Variants in SIGLEC9 observed in about 807,000 individuals in gnomAD.
SIGLEC9 encodes sialic acid binding Ig like lectin 9, also known as sialic acid-binding Ig-like lectin 9.
In SIGLEC9, 26 loss-of-function variants were observed where a neutral mutation model predicts 38.3. The observed-to-expected ratio is 0.68, with a 90% CI of 0.50 to 0.94. The LOEUF (loss-of-function observed/expected upper bound fraction) is 0.94, where lower values mean the gene tolerates loss of function less well. Among genes scored for constraint, SIGLEC9 ranks in the 40% least tolerant of loss-of-function variants. The probability of loss-of-function intolerance (pLI) is 0.00; values close to 1 mark genes in which losing one functional copy is unlikely to be tolerated. For missense variants in SIGLEC9, 556 were observed against 585.7 expected (o/e 0.95, Z 0.52); for synonymous variants, 236 against 248.0 (o/e 0.95, Z 0.45).
upstream of SIGLEC9, among the ~76,000 whole-genome samples, chr19:51,122,410 G>A (rs959994621): frequency 2.0e-5 from 3 of 152,168 alleles, no homozygotes; most frequent in Middle Eastern, 3.4e-3. The surrounding 1 kb of genome is among the most constrained non-coding windows in gnomAD (Gnocchi z 4.1). Context: ...GTGAAATCCC[G>A]TCTCTACTAA....
rs2091970965 is a variant in SIGLEC9 at position 51,125,412 on chromosome 19, A to G, written c.421+17A>G. ...ATGTGACAGGTAAGGCACAGGCTCC[A>G]GGAAAGGCCACAGGGAAAGGTCATG... On this transcript the variant is annotated intron_variant, in intron 1 of 6. Coordinates refer to ENST00000250360, the MANE Select transcript of SIGLEC9 (RefSeq NM_014441.3). 3 of 1,567,178 alleles carry G rather than the reference A, an allele frequency of 1.9e-6. No individual in the cohort carries two copies. Among genetic ancestry groups the G allele is most frequent in the Admixed American group, 1.8e-5 (1 of 55,402 alleles).
chr19:51,128,583 CAGCTGGGCGT>C (rs1174378702), intron 6 of SIGLEC9, 73 bp downstream of exon 6: 3 of 1,374,472 alleles, frequency 2.2e-6, no homozygotes. Flanking sequence ...CAGGACTAAT[CAGCTGGGCGT>C]AGCCAAAGTT....
At chr19:51,121,458 C>T, upstream of SIGLEC9, among the ~76,000 whole-genome samples, 1 of 152,242 alleles carries the variant, frequency 6.6e-6, no homozygotes, top group Middle Eastern at 3.4e-3. Context: ...AAATGTCACC[C>T]TTTTCATCCA....
At chr19:51,129,631 C>G (rs943871058) in intron 6 of SIGLEC9, among the ~76,000 whole-genome samples, 3 of 152,012 alleles carry the variant, frequency 2.0e-5, no homozygotes, top group Admixed American at 2.0e-4. Context: ...CTTACTGCAA[C>G]CTCTGCCTCC....
upstream of SIGLEC9, among the ~76,000 whole-genome samples, chr19:51,121,601 T>C (rs2091950394): frequency 7.3e-6 from 1 of 137,872 alleles, no homozygotes. Flanking sequence ...TTTTTTTTTT[T>C]TGAAGATGAA....
upstream of SIGLEC9, among the ~76,000 whole-genome samples, chr19:51,123,550 G>A (rs753184385): frequency 3.3e-5 from 5 of 152,200 alleles, no homozygotes; most frequent in East Asian, 7.7e-4. Context: ...AGGTATTCAC[G>A]GCAACGTGCA....
At chr19:51,124,834 C>T, upstream of SIGLEC9, 1 of 1,065,056 alleles carries the variant, frequency 9.4e-7, no homozygotes, top group Non-Finnish European at 1.3e-6. Context: ...GTGTAAAGTT[C>T]CTCCTCTGAG....
upstream of SIGLEC9, chr19:51,122,980 A>G (rs1039405): frequency 0.66 from 100,157 of 152,538 alleles, 34,204 homozygotes; most frequent in African/African-American, 0.85. This position sits in a 1 kb window ranked among gnomAD's most constrained non-coding sequence, Gnocchi z 4.1. Context: ...GTTGCAGGAC[A>G]GCTGCTGAGG....
chr19:51,128,664 C>A, intron 6 of SIGLEC9, 154 bp downstream of exon 6: 1 of 667,166 alleles, frequency 1.5e-6, no homozygotes, highest in Non-Finnish European at 2.6e-6. Flanking sequence ...TGGTTGGTTT[C>A]CTCCCCTAAG....
upstream of SIGLEC9, among the ~76,000 whole-genome samples, chr19:51,121,483 C>T (rs2091950038): frequency 6.6e-6 from 1 of 152,138 alleles, no homozygotes; most frequent in Admixed American, 6.5e-5. Context: ...ACTCATGAGC[C>T]AGTGGGTGCT....
intron 6 of SIGLEC9, among the ~76,000 whole-genome samples, chr19:51,129,454 C>A (rs545529472): frequency 6.6e-6 from 1 of 151,948 alleles, no homozygotes; most frequent in South Asian, 2.1e-4. Context: ...CCACTGTGAC[C>A]GGCCACATTC....
At chr19:51,127,388 G>C in intron 4 of SIGLEC9, 92 bp downstream of exon 4, 2 of 1,364,250 alleles carry the variant, frequency 1.5e-6, no homozygotes, top group South Asian at 1.4e-5. Flanking sequence ...TCAGAGAGGA[G>C]CTCCGCTCTG....
At chr19:51,135,947 T>C in intron 6 of SIGLEC9, 1 of 702,158 alleles carries the variant, frequency 1.4e-6, no homozygotes, top group Non-Finnish European at 2.6e-6. Flanking sequence ...TTAAAATGAT[T>C]ATTTTATCTT....
chr19:51,131,174 T>C (rs911631659), downstream of SIGLEC9, among the ~76,000 whole-genome samples: 3 of 152,228 alleles, frequency 2.0e-5, no homozygotes, highest in African/African-American at 4.8e-5. Context: ...AATCACTTTA[T>C]GCAGTAGCCC....
At chr19:51,129,824 C>A in intron 6 of SIGLEC9, 67 bp from the exon 7 acceptor site, 2 of 1,185,064 alleles carry the variant, frequency 1.7e-6, no homozygotes, top group Non-Finnish European at 2.4e-6. Flanking sequence ...GCTGGGATTA[C>A]AGATGTGAGC....
chr19:51,133,733 T>TACAA (rs2092028907), downstream of SIGLEC9, among the ~76,000 whole-genome samples: 1 of 152,168 alleles, frequency 6.6e-6, no homozygotes. Flanking sequence ...GACTATAATG[T>TACAA]TTGTACAACT....
chr19:51,122,467 G>T (rs1199945158), upstream of SIGLEC9, among the ~76,000 whole-genome samples: 1 of 151,926 alleles, frequency 6.6e-6, no homozygotes, highest in Non-Finnish European at 1.5e-5. This position sits in a 1 kb window ranked among gnomAD's most constrained non-coding sequence, Gnocchi z 4.1. Flanking sequence ...TGTAATCCCA[G>T]CTACTCAGGA....
chr19:51,134,480 T>TA (rs1164116647), downstream of SIGLEC9, among the ~76,000 whole-genome samples: 2 of 152,192 alleles, frequency 1.3e-5, no homozygotes, highest in Non-Finnish European at 2.9e-5. Context: ...GTCTATGTCT[T>TA]AACTGGGATA....
chr19:51,128,517 G>A lies in SIGLEC9; in HGVS notation c.1203+7G>A. 2 of 1,612,322 alleles carry A rather than the reference G, an allele frequency of 1.2e-6. No homozygotes were observed. Among genetic ancestry groups the A allele is most frequent in the South Asian group, 1.1e-5 (1 of 91,044 alleles). On this transcript the variant is annotated splice_region_variant and intron_variant, in intron 6 of 6. Coordinates refer to ENST00000250360, the MANE Select transcript of SIGLEC9 (RefSeq NM_014441.3). ...CAGGGGTTCAGCCTCTCAGGTGAGT[G>A]ATGTGGACTCTCCACAGCCAGCATG...
Sources: gnomAD v4.1 joint callset for allele counts (sites outside exome capture counted in the v4.1 genomes callset) on GRCh38, gnomAD v4.1.1 for gene constraint, Gnocchi (gnomAD v3.1) non-coding constraint, MANE v1.5 for transcripts, NCBI Gene and HGNC (gene_info 2026-07-23, HGNC 2026-07-21) for gene names.